Variants in ROR2 observed in about 807,000 individuals in gnomAD.
ROR2 encodes the protein tyrosine-protein kinase transmembrane receptor ROR2.
Under a neutral mutation model 74.9 loss-of-function variants are expected in ROR2, and 33 were observed. The observed-to-expected ratio is 0.44, with a 90% confidence interval of 0.33 to 0.59. The LOEUF is 0.59. Ranked by LOEUF, ROR2 falls within the 20% of genes least tolerant of loss-of-function variation. ROR2 has a pLI of 0.02. For missense variants in ROR2, 1,216 were observed against 1,313.8 expected (o/e 0.93, Z 1.15); for synonymous variants, 586 against 558.7 (o/e 1.05, Z -0.69).
intron 5 of ROR2, among the ~76,000 whole-genome samples, chr9:91,734,119 G>T (rs1824936802): frequency 6.6e-6 from 1 of 152,204 alleles, no homozygotes; most frequent in African/African-American, 2.4e-5. Flanking sequence ...GCAGTTTGGT[G>T]GTTAGAAGAT....
chr9:91,931,994 A>T (rs1831562606), intron 1 of ROR2, among the ~76,000 whole-genome samples: 1 of 152,230 alleles, frequency 6.6e-6, no homozygotes, highest in African/African-American at 2.4e-5. Context: ...TATGGTAATT[A>T]AAAGTGAGAT....
chr9:91,763,912 G>A (rs71494477), intron 2 of ROR2, among the ~76,000 whole-genome samples: 14,910 of 152,134 alleles, frequency 0.098, 828 homozygotes, highest in Middle Eastern at 0.15. Context: ...CCGCAGAGTC[G>A]GCTTCCTGAA....
At chr9:91,860,025 G>C (rs1829422731) in intron 1 of ROR2, among the ~76,000 whole-genome samples, 1 of 152,212 alleles carries the variant, frequency 6.6e-6, no homozygotes, top group African/African-American at 2.4e-5. Flanking sequence ...CTGAAAACAA[G>C]CACAGGCAGG....
At chr9:91,762,402 C>G (rs927862644) in intron 2 of ROR2, among the ~76,000 whole-genome samples, 1 of 152,196 alleles carries the variant, frequency 6.6e-6, no homozygotes, top group African/African-American at 2.4e-5. Context: ...AATAACATAA[C>G]CTTTTTGCTT....
rs141262722 is a variant in ROR2 at position 91,950,054 on chromosome 9, C to T, written c.-91G>A. On this transcript the variant is annotated 5_prime_UTR_variant, in exon 1 of 9. Coordinates refer to ENST00000375708, the MANE Select transcript of ROR2 (RefSeq NM_004560.4). Reference sequence around the variant, plus strand: ...CACCCCTTTCTACGATGCGTCCGCTCCTCCTTCTCCCTGGCGCTTCGCAAA... The same window carrying T: ...CACCCCTTTCTACGATGCGTCCGCTTCTCCTTCTCCCTGGCGCTTCGCAAA... 0.011 allele frequency: 5,848 copies of T among 552,866 alleles called. 51 individuals carry two copies. The highest frequency in any genetic ancestry group is 0.013 in the Non-Finnish European group (4,600 of 343,214). The allele number at this position is 552,866 out of a possible 1,614,324, so 34.2% of individuals were successfully genotyped here. A position where few individuals can be genotyped will look rare whatever the true frequency, so the allele number is the denominator to read the frequency against.
intron 1 of ROR2, among the ~76,000 whole-genome samples, chr9:91,946,478 T>C (rs1832017226): frequency 6.6e-6 from 1 of 152,192 alleles, no homozygotes; most frequent in Non-Finnish European, 1.5e-5. Flanking sequence ...GAGGGAGTCC[T>C]TCACAGTGTC....
intron 1 of ROR2, among the ~76,000 whole-genome samples, chr9:91,903,258 G>A (rs888916273): frequency 2.6e-5 from 4 of 151,982 alleles, no homozygotes; most frequent in Non-Finnish European, 5.9e-5. Flanking sequence ...GACTGCAGTC[G>A]GCCCAGGAGG....
chr9:91,769,622 C>T (rs1398496669), intron 2 of ROR2, among the ~76,000 whole-genome samples: 8 of 152,104 alleles, frequency 5.3e-5, no homozygotes, highest in African/African-American at 1.7e-4. Context: ...TCCTCTCCCA[C>T]GCCCGCCTCC....
intron 1 of ROR2, among the ~76,000 whole-genome samples, chr9:91,930,690 A>C (rs1236246019): frequency 6.6e-6 from 1 of 152,242 alleles, no homozygotes; most frequent in Non-Finnish European, 1.5e-5. Flanking sequence ...TGTCAGGGGA[A>C]GTCAAAGAGA....
intron 1 of ROR2, among the ~76,000 whole-genome samples, chr9:91,823,475 G>A (rs113384111): frequency 0.028 from 4,219 of 150,196 alleles, 179 homozygotes; most frequent in African/African-American, 0.079. Context: ...GATTGCCGGC[G>A]CATGCCACCA....
chr9:91,810,959 TGTCACAC>T (rs1290435044), intron 1 of ROR2, among the ~76,000 whole-genome samples: 1 of 152,242 alleles, frequency 6.6e-6, no homozygotes, highest in Non-Finnish European at 1.5e-5. Flanking sequence ...TCGATTCTGG[TGTCACAC>T]GTCACGTGGT....
chr9:91,723,285 A>G lies in ROR2; in HGVS notation c.*377T>C, dbSNP rs1334823459. Reference sequence around the variant, plus strand: ...TCCTCGCTGCCTTTTGCAGGCCCTTATTCCCAACGTTTTGAAATATTCACT... The same window carrying G: ...TCCTCGCTGCCTTTTGCAGGCCCTTGTTCCCAACGTTTTGAAATATTCACT... On this transcript the variant is annotated 3_prime_UTR_variant, in exon 9 of 9. Coordinates refer to ENST00000375708, the MANE Select transcript of ROR2 (RefSeq NM_004560.4). 1 of 202,650 alleles carries G rather than the reference A, an allele frequency of 4.9e-6. No individual in the cohort carries two copies. The highest frequency in any genetic ancestry group is 1.2e-4 in the East Asian group (1 of 8,066). 12.6% of individuals were successfully genotyped at this position (202,650 alleles called of 1,614,324 possible). A position where few individuals can be genotyped will look rare whatever the true frequency, so the allele number is the denominator to read the frequency against.
At chr9:91,872,303 T>A (rs944651707) in intron 1 of ROR2, among the ~76,000 whole-genome samples, 1 of 152,214 alleles carries the variant, frequency 6.6e-6, no homozygotes, top group African/African-American at 2.4e-5. Flanking sequence ...AGTTACACTC[T>A]CAGGCTGGCA....
At position 91,725,398 on chromosome 9, in the gene ROR2, C is replaced by T. The variant is rs146544251; in HGVS notation, c.1387-291G>A. ...CCAGCTGGGACACACTGACTTCCTT[C>T]CCACTTGTGCATGTGTGGACACACA... On this transcript the variant is annotated intron_variant, in intron 8 of 8. Transcript: ENST00000375708. Among the ~76,000 whole-genome samples, 232 of 152,324 alleles carry T rather than the reference C, an allele frequency of 1.5e-3. 1 individual carries two copies. Among genetic ancestry groups the T allele is most frequent in the Admixed American group, 4.3e-3 (66 of 15,308 alleles).
chr9:91,941,992 T>C (rs976599800), intron 1 of ROR2, among the ~76,000 whole-genome samples: 1 of 152,144 alleles, frequency 6.6e-6, no homozygotes, highest in African/African-American at 2.4e-5. Flanking sequence ...GGTTTCACCA[T>C]GTTGGCCAGG....
At chr9:91,882,023 G>C (rs1191199558) in intron 1 of ROR2, among the ~76,000 whole-genome samples, 2 of 152,182 alleles carry the variant, frequency 1.3e-5, no homozygotes, top group Non-Finnish European at 2.9e-5. Context: ...GTCATGTACA[G>C]GGAGAAGCCT....
At chr9:91,899,558 G>A (rs944190748) in intron 1 of ROR2, among the ~76,000 whole-genome samples, 4 of 152,156 alleles carry the variant, frequency 2.6e-5, no homozygotes, top group African/African-American at 9.7e-5. Flanking sequence ...CTTAAGAGCT[G>A]AGCAGCAGGA....
intron 2 of ROR2, among the ~76,000 whole-genome samples, chr9:91,764,559 T>TACACACACACACACACACACACAC (rs11405599): frequency 2.6e-4 from 38 of 147,696 alleles, no homozygotes; most frequent in Admixed American, 6.1e-4. Flanking sequence ...TATAATCACT[T>TACACACACACACACACACACACAC]ACACACACAC....
chr9:91,920,526 C>T (rs1564039224), intron 1 of ROR2, among the ~76,000 whole-genome samples: 1 of 152,120 alleles, frequency 6.6e-6, no homozygotes, highest in Non-Finnish European at 1.5e-5. Flanking sequence ...AGAACAAGTA[C>T]ACAATGCTTT....
Sources: gnomAD v4.1 joint callset for allele counts (sites outside exome capture counted in the v4.1 genomes callset) on GRCh38, gnomAD v4.1.1 for gene constraint, MANE v1.5 for transcripts, NCBI Gene and HGNC (gene_info 2026-07-23, HGNC 2026-07-21) for gene names.